The following PRR16 variants were observed in gnomAD, a reference collection of about 807,000 sequenced individuals.
PRR16 encodes the protein proline rich 16, also known as protein Largen.
Under a neutral mutation model 18.2 loss-of-function variants are expected in PRR16, and 6 were observed. The ratio of observed to expected loss-of-function variants is 0.33; its 90% CI spans 0.18 to 0.65. PRR16 has a LOEUF of 0.65. Among genes scored for constraint, PRR16 ranks in the 30% least tolerant of loss-of-function variants. PRR16 has a pLI of 0.74. For missense variants in PRR16, 412 were observed against 376.6 expected (o/e 1.09, Z -0.78); for synonymous variants, 151 against 147.8 (o/e 1.02, Z -0.16).
intron 1 of PRR16, among the ~76,000 whole-genome samples, chr5:120,614,637 A>T (rs1381812332): frequency 1.3e-5 from 2 of 152,220 alleles, no homozygotes; most frequent in African/African-American, 4.8e-5. Context: ...CAAAAGAAGG[A>T]ATTGTTCAGC....
chr5:120,514,010 G>A lies in PRR16; in HGVS notation c.159+49365G>A, dbSNP rs541955659. ...CCTGACCTCGTGATCCACCCACCTC[G>A]GCCTCCCAAAGTGCTGGGATTGCAG... On this transcript the variant is annotated intron_variant, in intron 1 of 1. Transcript: ENST00000407149. Among the ~76,000 whole-genome samples, 16 of 151,952 alleles carry A rather than the reference G, an allele frequency of 1.1e-4. No homozygotes were observed. The East Asian group carries it at 2.3e-3, about 22-fold the overall frequency.
chr5:120,779,541 A>C, the PRR16 span, among the ~76,000 whole-genome samples: 1 of 152,178 alleles, frequency 6.6e-6, no homozygotes, highest in African/African-American at 2.4e-5. Context: ...ATGATGCAGT[A>C]AATGTTCGCA....
intron 1 of PRR16, among the ~76,000 whole-genome samples, chr5:120,639,707 G>A (rs530848172): frequency 1.6e-4 from 24 of 151,910 alleles, no homozygotes; most frequent in African/African-American, 5.1e-4. Context: ...TATACACTGT[G>A]CAGTCACTGT....
the PRR16 span, among the ~76,000 whole-genome samples, chr5:120,769,543 CCT>C: frequency 6.6e-6 from 1 of 151,846 alleles, no homozygotes; most frequent in Non-Finnish European, 1.5e-5. Context: ...TGCAGAACTT[CCT>C]TTTTTTAAAG....
intron 1 of PRR16, among the ~76,000 whole-genome samples, chr5:120,568,573 C>A (rs1035587635): frequency 6.6e-6 from 1 of 152,144 alleles, no homozygotes; most frequent in East Asian, 1.9e-4. Flanking sequence ...ATCAAGGGAA[C>A]CCATTCTAAA....
intron 1 of PRR16, among the ~76,000 whole-genome samples, chr5:120,579,270 T>G (rs35588197): frequency 6.6e-6 from 1 of 152,210 alleles, no homozygotes; most frequent in African/African-American, 2.4e-5. Context: ...ATCTAATTTG[T>G]CAATTTTGGC....
At chr5:120,591,043 G>C (rs1183446345) in intron 1 of PRR16, among the ~76,000 whole-genome samples, 1 of 151,968 alleles carries the variant, frequency 6.6e-6, no homozygotes, top group Non-Finnish European at 1.5e-5. Context: ...ACTTTGGGAG[G>C]CCGAGGTGGG....
At chr5:120,652,989 G>C (rs1265689398) in intron 1 of PRR16, among the ~76,000 whole-genome samples, 1 of 151,978 alleles carries the variant, frequency 6.6e-6, no homozygotes, top group Non-Finnish European at 1.5e-5. Flanking sequence ...TAACAGTGCA[G>C]ATATATTTCA....
chr5:120,625,057 A>G (rs1030875088), intron 1 of PRR16, among the ~76,000 whole-genome samples: 1 of 152,220 alleles, frequency 6.6e-6, no homozygotes, highest in African/African-American at 2.4e-5. Flanking sequence ...TAAATTGCCC[A>G]GTCTTGCATA....
intron 1 of PRR16, among the ~76,000 whole-genome samples, chr5:120,669,173 T>C (rs138187666): frequency 8.1e-4 from 123 of 152,280 alleles, no homozygotes; most frequent in African/African-American, 2.8e-3. Context: ...TCAAGCAGAT[T>C]TGGTACAACT....
rs1175217978 is a variant in PRR16, at chr5:120,686,474, A to G, written c.680A>G (p.Lys227Arg). 1.9e-6 allele frequency: 3 copies of G among 1,614,098 alleles called. No homozygotes were observed. Among genetic ancestry groups the G allele is most frequent in the Admixed American group, 1.7e-5 (1 of 60,014 alleles). ...CPDCDTRYNI[K>R]NREVHLHSEP... ...GACTGTGATACCCGGTATAACATAAAAAACAGGGAGGTCCACTTACACAGT... is the reference window on the plus strand; with the variant it reads ...GACTGTGATACCCGGTATAACATAAGAAACAGGGAGGTCCACTTACACAGT... Residue 227 changes from lysine to arginine, a missense_variant, in exon 2 of 2, where the codon AAA (lysine) becomes AGA (arginine). Transcript: ENST00000407149.
the PRR16 span, among the ~76,000 whole-genome samples, chr5:120,751,127 C>A: frequency 6.6e-6 from 1 of 152,116 alleles, no homozygotes; most frequent in Non-Finnish European, 1.5e-5. Context: ...TCATTAATGT[C>A]ATTTTTATGG....
At chr5:120,528,105 TG>T (rs1282116579) in intron 1 of PRR16, among the ~76,000 whole-genome samples, 2 of 152,186 alleles carry the variant, frequency 1.3e-5, no homozygotes, top group African/African-American at 4.8e-5. Context: ...TGCCATGCAA[TG>T]TTGAACATCT....
intron 1 of PRR16, among the ~76,000 whole-genome samples, chr5:120,514,383 C>A (rs892774798): frequency 2.6e-5 from 4 of 152,132 alleles, no homozygotes; most frequent in Non-Finnish European, 5.9e-5. Flanking sequence ...TTAGTATTCT[C>A]TCCTGAACAG....
chr5:120,564,942 C>T (rs986584725), intron 1 of PRR16, among the ~76,000 whole-genome samples: 4 of 148,686 alleles, frequency 2.7e-5, no homozygotes, highest in South Asian at 2.1e-4. Context: ...GCCGAGATCG[C>T]GCCACTGCAC....
At chr5:120,770,823 T>C in the PRR16 span, among the ~76,000 whole-genome samples, 1 of 152,014 alleles carries the variant, frequency 6.6e-6, no homozygotes, top group East Asian at 1.9e-4. Flanking sequence ...ACAAATACTT[T>C]ATAACAAAAT....
At chr5:120,752,660 T>C in the PRR16 span, among the ~76,000 whole-genome samples, 4 of 151,970 alleles carry the variant, frequency 2.6e-5, no homozygotes, top group Non-Finnish European at 1.5e-5. Context: ...GGATAAAAAG[T>C]CATAAATATA....
intron 1 of PRR16, among the ~76,000 whole-genome samples, chr5:120,589,036 ATC>A (rs1753546003): frequency 6.6e-6 from 1 of 152,028 alleles, no homozygotes; most frequent in Non-Finnish European, 1.5e-5. Flanking sequence ...ATGTGACTTA[ATC>A]TCTCTGTGCT....
the PRR16 span, among the ~76,000 whole-genome samples, chr5:120,776,164 G>A: frequency 6.6e-6 from 1 of 151,998 alleles, no homozygotes; most frequent in Non-Finnish European, 1.5e-5. Context: ...GGATATGTAT[G>A]TTTTACTCTG....
Sources: gnomAD v4.1 joint callset for allele counts (sites outside exome capture counted in the v4.1 genomes callset) on GRCh38, gnomAD v4.1.1 for gene constraint, MANE v1.5 for transcripts, NCBI Gene and HGNC (gene_info 2026-07-23, HGNC 2026-07-21) for gene names.